Variants in RHOBTB3 observed in about 807,000 individuals in gnomAD.
The protein encoded by RHOBTB3 is rho-related BTB domain-containing protein 3.
In RHOBTB3, 47 loss-of-function variants were observed where a neutral mutation model predicts 67.2. That is an observed-to-expected ratio of 0.70 (90% CI 0.55 to 0.89). RHOBTB3 has a LOEUF of 0.89. RHOBTB3 is among the 40% of genes least tolerant of loss of function. RHOBTB3 has a pLI of 0.00. For synonymous variants in RHOBTB3, 273 were observed against 274.2 expected (o/e 1.00, Z 0.04); for missense variants, 631 against 750.0 (o/e 0.84, Z 1.85).
intron 11 of RHOBTB3, among the ~76,000 whole-genome samples, chr5:95,792,791 CAA>C (rs768296765): frequency 3.3e-4 from 23 of 69,624 alleles, no homozygotes; most frequent in Admixed American, 6.3e-4. Context: ...GACTCCATCT[CAA>C]AAAAAAAAAA....
At chr5:95,760,065 G>T (rs1189490808) in intron 6 of RHOBTB3, among the ~76,000 whole-genome samples, 2 of 151,898 alleles carry the variant, frequency 1.3e-5, no homozygotes, top group East Asian at 1.9e-4. Context: ...TGAACATTTG[G>T]TTCGTTATTT....
intron 11 of RHOBTB3, among the ~76,000 whole-genome samples, chr5:95,791,789 G>A (rs1056698514): frequency 3.3e-5 from 5 of 151,000 alleles, no homozygotes; most frequent in Non-Finnish European, 7.4e-5. Flanking sequence ...CAAATAATCC[G>A]CCCGCCTCGG....
chr5:95,795,990 T>G lies in RHOBTB3; in HGVS notation c.*2816T>G, dbSNP rs1333235232. On this transcript the variant is annotated 3_prime_UTR_variant, in exon 12 of 12. Transcript: ENST00000379982. ...CCTTTGTATATTTCTGACTGCTCAC[T>G]GTTCATATTATAGGGGACCAGATTT... 1.3e-5 allele frequency: 2 copies of G among 152,246 alleles called. No individual in the cohort carries two copies. Among genetic ancestry groups the G allele is most frequent in the African/African-American group, 4.8e-5 (2 of 41,466 alleles). The allele number at this position is 152,246 out of a possible 1,614,324, so 9.4% of individuals were successfully genotyped here.
At chr5:95,766,985 A>G (rs1311517280) in intron 7 of RHOBTB3, among the ~76,000 whole-genome samples, 1 of 152,136 alleles carries the variant, frequency 6.6e-6, no homozygotes, top group East Asian at 1.9e-4. Flanking sequence ...TTGGGAGGTC[A>G]AGGTAGGCGG....
At position 95,747,000 on chromosome 5, in the gene RHOBTB3, G is replaced by A. The variant is rs1744934228; in HGVS notation, c.416-1333G>A. ...CAGGGAAGTTGCTGCATATGCGATGGGGGAGTTGCTCAAATGTCCTTTCAG... is the reference window on the plus strand; with the variant it reads ...CAGGGAAGTTGCTGCATATGCGATGAGGGAGTTGCTCAAATGTCCTTTCAG... On this transcript the variant is annotated intron_variant, in intron 3 of 11. Transcript: ENST00000379982. Among the ~76,000 whole-genome samples, 2 of 152,164 alleles carry A rather than the reference G, an allele frequency of 1.3e-5. 1 individual carries two copies. Among genetic ancestry groups the A allele is most frequent in the South Asian group, 4.1e-4 (2 of 4,822 alleles).
chr5:95,787,714 A>T (rs1287985799), intron 10 of RHOBTB3, among the ~76,000 whole-genome samples: 1 of 152,250 alleles, frequency 6.6e-6, no homozygotes, highest in Non-Finnish European at 1.5e-5. Flanking sequence ...CATGGATGAA[A>T]CTTGGAAAAT....
chr5:95,793,752 C>A lies in RHOBTB3; in HGVS notation c.*578C>A. ...TTTTCATCTGGACAACCCAATTGAGCCACTTTATCTCCTTTTGGCAATCTG... is the reference window on the plus strand; with the variant it reads ...TTTTCATCTGGACAACCCAATTGAGACACTTTATCTCCTTTTGGCAATCTG... On this transcript the variant is annotated 3_prime_UTR_variant, in exon 12 of 12. Transcript: ENST00000379982. 2 of 247,396 alleles carry A rather than the reference C, an allele frequency of 8.1e-6. No individual in the cohort carries two copies. The highest frequency in any genetic ancestry group is 1.6e-5 in the Non-Finnish European group (2 of 122,610). The allele number at this position is 247,396 out of a possible 1,614,324, so 15.3% of individuals were successfully genotyped here.
chr5:95,789,118 T>A, intron 11 of RHOBTB3: 1 of 337,196 alleles, frequency 3.0e-6, no homozygotes. Flanking sequence ...TTTCTTTCCC[T>A]GAAATAGATA....
In RHOBTB3 at chr5:95,795,630, C is replaced by G. The variant is rs181133310; in HGVS notation, c.*2456C>G. On this transcript the variant is annotated 3_prime_UTR_variant, in exon 12 of 12. Transcript: ENST00000379982. ...GTTATGAAAGTTCTCTACCACCTAC[C>G]TGTGTGAGTGACACCAACATCCAGA... is the stretch of plus-strand genomic sequence containing the variant. The G allele has an allele frequency of 6.6e-6, 1 of 152,298 alleles. No individual in the cohort carries two copies. Among genetic ancestry groups the G allele is most frequent in the Non-Finnish European group, 1.5e-5 (1 of 68,030 alleles). The allele number at this position is 152,298 out of a possible 1,614,324, so 9.4% of individuals were successfully genotyped here.
chr5:95,777,591 C>T (rs1239513896), intron 8 of RHOBTB3, among the ~76,000 whole-genome samples: 1 of 152,174 alleles, frequency 6.6e-6, no homozygotes, highest in African/African-American at 2.4e-5. Context: ...ATCCTATTGC[C>T]AGTTAGTACG....
In RHOBTB3 at chr5:95,772,142, G is replaced by A. The variant is rs551612900; in HGVS notation, c.1282+3976G>A. On this transcript the variant is annotated intron_variant, in intron 8 of 11. Transcript: ENST00000379982. ...TCTGCAAGATGGAGATAAGGTGGGGGCAAACCATTCCAGTGACCATTATAA... is the reference window on the plus strand; with the variant it reads ...TCTGCAAGATGGAGATAAGGTGGGGACAAACCATTCCAGTGACCATTATAA... Among the ~76,000 whole-genome samples, 5 of 152,272 alleles carry A rather than the reference G, an allele frequency of 3.3e-5. No individual in the cohort carries two copies. The South Asian group carries it at 1.0e-3, about 32-fold the overall frequency.
intron 3 of RHOBTB3, among the ~76,000 whole-genome samples, chr5:95,741,891 T>C (rs993212903): frequency 3.3e-5 from 5 of 152,240 alleles, no homozygotes; most frequent in African/African-American, 1.2e-4. Flanking sequence ...AATTTTTCTC[T>C]TAGAATTATT....
chr5:95,774,288 A>T (rs1001129470), intron 8 of RHOBTB3, among the ~76,000 whole-genome samples: 2 of 152,186 alleles, frequency 1.3e-5, no homozygotes, highest in African/African-American at 4.8e-5. Flanking sequence ...CCTAATAACA[A>T]TCACAGTTTG....
intron 6 of RHOBTB3, among the ~76,000 whole-genome samples, chr5:95,756,559 T>A (rs1745252127): frequency 6.6e-6 from 1 of 152,228 alleles, no homozygotes; most frequent in Admixed American, 6.5e-5. Flanking sequence ...ATGGTAATTC[T>A]GTTTTTGATT....
At chr5:95,771,435 C>A (rs551310934) in intron 8 of RHOBTB3, among the ~76,000 whole-genome samples, 1 of 152,146 alleles carries the variant, frequency 6.6e-6, no homozygotes, top group Admixed American at 6.5e-5. Flanking sequence ...ATGTACCTTC[C>A]GACAAGCCAC....
At chr5:95,751,517 A>G (rs1745090332) in intron 4 of RHOBTB3, 1 of 151,788 alleles carries the variant, frequency 6.6e-6, no homozygotes, top group East Asian at 1.9e-4. Context: ...TTTGAAAAAG[A>G]GAACCAACAA....
intron 3 of RHOBTB3, among the ~76,000 whole-genome samples, chr5:95,742,979 G>A (rs1755640987): frequency 6.6e-6 from 1 of 152,188 alleles, no homozygotes; most frequent in Non-Finnish European, 1.5e-5. Context: ...GCTGAGGCAG[G>A]AGAATGGCGT....
intron 2 of RHOBTB3, chr5:95,732,300 G>C: frequency 1.6e-6 from 1 of 611,014 alleles, no homozygotes. Flanking sequence ...GGCCCCAGTG[G>C]GAATGTGGAG....
Position 95,773,413 on chromosome 5 carries a change from G to A in RHOBTB3, c.1282+5247G>A, listed in dbSNP as rs115795303. The stretch of plus-strand genomic sequence containing the variant: ...AGGATCTGGGAGCAGCTTCTCTAAG[G>A]CCAGCTATAGGCAAGGCACACCAGC... On this transcript the variant is annotated intron_variant, in intron 8 of 11. Transcript: ENST00000379982. 5.4e-3 allele frequency among the ~76,000 whole-genome samples: 826 copies of A among 152,254 alleles called. 9 individuals carry two copies. The highest frequency in any genetic ancestry group is 0.019 in the African/African-American group (797 of 41,538).
Sources: allele counts gnomAD v4.1 joint callset (sites outside exome capture counted in the v4.1 genomes callset), GRCh38; gene constraint gnomAD v4.1.1; transcripts MANE v1.5; gene names NCBI Gene and HGNC (gene_info 2026-07-23, HGNC 2026-07-21).